The following SPAG16 variants were observed in gnomAD, a reference collection of about 807,000 sequenced individuals.
SPAG16 encodes sperm associated antigen 16.
A neutral mutation model predicts 80.4 loss-of-function variants in SPAG16; 86 were observed. The observed-to-expected ratio is 1.07, with a 90% confidence interval of 0.90 to 1.28. The LOEUF (loss-of-function observed/expected upper bound fraction) is 1.28. Among genes scored for constraint, SPAG16 ranks in the 50% most tolerant of loss-of-function variants. The pLI is 0.00. For missense variants in SPAG16, 870 were observed against 765.3 expected, an observed-to-expected ratio of 1.14 and a Z score of -1.61; for synonymous variants, 294 against 265.9, an observed-to-expected ratio of 1.11 and a Z score of -1.03.
At chr2:214,333,299 G>A (rs775998067) in intron 15 of SPAG16, among the ~76,000 whole-genome samples, 9 of 152,124 alleles carry the variant, frequency 5.9e-5, no homozygotes, top group Non-Finnish European at 1.3e-4. Context: ...TACTCTAGTT[G>A]GCTATCTATC....
chr2:213,285,990 G>A (rs1323497627), intron 1 of SPAG16: 1 of 1,089,360 alleles, frequency 9.2e-7, no homozygotes, highest in African/African-American at 1.6e-5. Flanking sequence ...TTGTTAACAT[G>A]AGATTGACAC....
intron 10 of SPAG16, among the ~76,000 whole-genome samples, chr2:213,581,947 TG>T (rs2060311273): frequency 6.6e-6 from 1 of 152,142 alleles, no homozygotes; most frequent in Non-Finnish European, 1.5e-5. Flanking sequence ...CATTTTCAGA[TG>T]GTTCCTCTTT....
chr2:214,365,272 A>C (rs1339258810), intron 15 of SPAG16, among the ~76,000 whole-genome samples: 1 of 152,190 alleles, frequency 6.6e-6, no homozygotes, highest in Non-Finnish European at 1.5e-5. Context: ...ATCAGCACCT[A>C]CTTAAACTCT....
chr2:213,937,819 G>A (rs1415680320), intron 12 of SPAG16, among the ~76,000 whole-genome samples: 1 of 151,944 alleles, frequency 6.6e-6, no homozygotes, highest in Non-Finnish European at 1.5e-5. Flanking sequence ...TATGTGTGAA[G>A]AATGGCTCAA....
intron 9 of SPAG16, among the ~76,000 whole-genome samples, chr2:213,408,007 G>GGAGAGAGGCA (rs1274416564): frequency 1.6e-4 from 23 of 144,750 alleles, no homozygotes; most frequent in Non-Finnish European, 2.9e-4. Context: ...GAGAGAGACA[G>GGAGAGAGGCA]GAGAGAGGCA....
chr2:213,700,970 G>A (rs927920824), intron 10 of SPAG16, among the ~76,000 whole-genome samples: 3 of 152,124 alleles, frequency 2.0e-5, no homozygotes, highest in South Asian at 4.1e-4. Context: ...GGCCAGGCAC[G>A]GTGGCTCATG....
chr2:214,300,478 T>C (rs1694466797), intron 15 of SPAG16, among the ~76,000 whole-genome samples: 1 of 152,150 alleles, frequency 6.6e-6, no homozygotes, highest in African/African-American at 2.4e-5. Flanking sequence ...TTAAAATTAT[T>C]AGAAACCTAT....
chr2:214,163,708 G>A (rs924082783), intron 15 of SPAG16, among the ~76,000 whole-genome samples: 1 of 151,766 alleles, frequency 6.6e-6, no homozygotes, highest in Admixed American at 6.6e-5. Flanking sequence ...GATTGCGGGG[G>A]CTGGCAATTG....
At chr2:213,940,704 A>G (rs947987337) in intron 12 of SPAG16, among the ~76,000 whole-genome samples, 15 of 152,194 alleles carry the variant, frequency 9.9e-5, no homozygotes, top group African/African-American at 3.6e-4. Context: ...ATGCAAAACT[A>G]TAATCATAAA....
chr2:213,881,910 C>A (rs189293329), intron 11 of SPAG16, among the ~76,000 whole-genome samples: 1 of 152,180 alleles, frequency 6.6e-6, no homozygotes, highest in Admixed American at 6.5e-5. Flanking sequence ...TGTCATATTC[C>A]AGTTCTCAAG....
chr2:213,403,296 T>C (rs58554134), intron 9 of SPAG16, among the ~76,000 whole-genome samples: 11,182 of 152,164 alleles, frequency 0.073, 1,350 homozygotes, highest in African/African-American at 0.25. Context: ...CTTGTAAATT[T>C]GTTTGAGTTC....
chr2:213,801,862 T>G (rs2071429465), intron 10 of SPAG16, among the ~76,000 whole-genome samples: 1 of 152,232 alleles, frequency 6.6e-6, no homozygotes, highest in Admixed American at 6.5e-5. Context: ...ATAATGTGAA[T>G]AAGAATTAGT....
chr2:213,598,444 G>A (rs962725039), intron 10 of SPAG16, among the ~76,000 whole-genome samples: 1 of 152,094 alleles, frequency 6.6e-6, no homozygotes, highest in Non-Finnish European at 1.5e-5. Context: ...TTGTCACAGA[G>A]GCAAGATTGC....
At chr2:214,112,639 CTTTTT>C (rs56776022) in intron 14 of SPAG16, among the ~76,000 whole-genome samples, 1 of 112,800 alleles carries the variant, frequency 8.9e-6, no homozygotes, top group African/African-American at 3.4e-5. Context: ...GCAACCCCTG[CTTTTT>C]TTTTTTTTTT....
At chr2:213,472,365 C>T (rs1490070295) in intron 9 of SPAG16, among the ~76,000 whole-genome samples, 1 of 152,020 alleles carries the variant, frequency 6.6e-6, no homozygotes, top group South Asian at 2.1e-4. Flanking sequence ...GGAGTCACCA[C>T]TTGGTTAAGC....
intron 10 of SPAG16, among the ~76,000 whole-genome samples, chr2:213,767,597 C>T (rs1000931434): frequency 6.6e-6 from 1 of 151,700 alleles, no homozygotes; most frequent in Middle Eastern, 3.4e-3. Flanking sequence ...TACTATGCTG[C>T]AGCCTGGGCA....
intron 15 of SPAG16, among the ~76,000 whole-genome samples, chr2:214,170,048 ATATAAATTT>A (rs2056814097): frequency 1.3e-5 from 2 of 152,026 alleles, no homozygotes; most frequent in South Asian, 4.1e-4. Flanking sequence ...CATATAAATA[ATATAAATTT>A]TATACCACTT....
At chr2:214,348,579 A>G (rs1698205386) in intron 15 of SPAG16, among the ~76,000 whole-genome samples, 1 of 152,166 alleles carries the variant, frequency 6.6e-6, no homozygotes, top group Non-Finnish European at 1.5e-5. Flanking sequence ...GCCACATAAG[A>G]AGCCCAGTTA....
At chr2:214,243,203 G>C (rs1215294021) in intron 15 of SPAG16, among the ~76,000 whole-genome samples, 2 of 152,042 alleles carry the variant, frequency 1.3e-5, no homozygotes, top group Non-Finnish European at 2.9e-5. Flanking sequence ...TGTAGAAATA[G>C]AACCAAAAGG....
Sources: gnomAD v4.1 joint callset for allele counts (sites outside exome capture counted in the v4.1 genomes callset) on GRCh38, gnomAD v4.1.1 for gene constraint, MANE v1.5 for transcripts, NCBI Gene and HGNC (gene_info 2026-07-23, HGNC 2026-07-21) for gene names.